Variants in CORO2A observed in about 807,000 individuals in gnomAD.
The protein encoded by CORO2A is coronin-2A.
CORO2A carries 47 observed loss-of-function variants against 62.4 expected under a neutral mutation model. The observed-to-expected ratio is 0.75, with a 90% CI of 0.60 to 0.96. The LOEUF (loss-of-function observed/expected upper bound fraction) is 0.96, where lower values mean the gene tolerates loss of function less well. Ranked by LOEUF, CORO2A falls within the 40% of genes least tolerant of loss-of-function variation. The probability of loss-of-function intolerance (pLI) is 0.00; values close to 1 mark genes in which losing one functional copy is unlikely to be tolerated. For missense variants in CORO2A, 610 were observed against 684.1 expected, an observed-to-expected ratio of 0.89 and a Z score of 1.21; for synonymous variants, 273 against 268.9, an observed-to-expected ratio of 1.02 and a Z score of -0.15.
intron 1 of CORO2A, among the ~76,000 whole-genome samples, chr9:98,160,389 T>C (rs1353718895): frequency 6.6e-6 from 1 of 152,066 alleles, no homozygotes; most frequent in Non-Finnish European, 1.5e-5. Context: ...ACAGAGGAGG[T>C]AGACCTCAGA....
intron 1 of CORO2A, among the ~76,000 whole-genome samples, chr9:98,159,145 A>G (rs1588005493): frequency 6.6e-6 from 1 of 150,558 alleles, no homozygotes; most frequent in Non-Finnish European, 1.5e-5. Context: ...CTGCAGCCTC[A>G]AACTCCTGAC....
intron 1 of CORO2A, among the ~76,000 whole-genome samples, chr9:98,172,191 C>A (rs1444009731): frequency 6.6e-6 from 1 of 151,030 alleles, no homozygotes; most frequent in African/African-American, 2.5e-5. Context: ...GGAAGCCCCA[C>A]ACCCCACTTC....
intron 1 of CORO2A, among the ~76,000 whole-genome samples, chr9:98,177,411 G>T (rs550883789): frequency 2.6e-5 from 4 of 151,314 alleles, no homozygotes; most frequent in Non-Finnish European, 5.9e-5. Flanking sequence ...GAGGTAGCAG[G>T]AGCAAGGAAA....
intron 7 of CORO2A, among the ~76,000 whole-genome samples, chr9:98,130,554 C>T (rs1827390401): frequency 2.0e-5 from 3 of 152,344 alleles, no homozygotes; most frequent in Non-Finnish European, 4.4e-5. Context: ...AAGGTCTTAC[C>T]ATGGGGAACA....
chr9:98,187,282 CAAAAAAAAAAAAAA>C (rs60290184), intron 1 of CORO2A, among the ~76,000 whole-genome samples: 13,092 of 67,180 alleles, frequency 0.19, 1,575 homozygotes, highest in African/African-American at 0.41. Context: ...GACTCCATCT[CAAAAAAAAAAAAAA>C]AAAAAAAAAA....
chr9:98,142,245 G>C (rs546142041), intron 2 of CORO2A, among the ~76,000 whole-genome samples: 6 of 152,290 alleles, frequency 3.9e-5, no homozygotes, highest in African/African-American at 1.4e-4. Flanking sequence ...ACCCTCTCTC[G>C]GACCTCAGAC....
rs977875810 is a variant in CORO2A at position 98,121,224 on chromosome 9, T to C, written c.*3550A>G. On this transcript the variant is annotated 3_prime_UTR_variant, in exon 12 of 12. Coordinates refer to ENST00000375077, the MANE Select transcript of CORO2A (RefSeq NM_052820.4). ...AGTTTTGTTTCAGGAAGCACAATTA[T>C]TGTAGCGTTAAGGTGGATACCTGCC... 3 of 152,224 alleles carry C rather than the reference T, an allele frequency of 2.0e-5. No individual in the cohort carries two copies. The highest frequency in any genetic ancestry group is 1.3e-4 in the Admixed American group (2 of 15,282). 9.4% of individuals were successfully genotyped at this position (152,224 alleles called of 1,614,324 possible).
intron 2 of CORO2A, among the ~76,000 whole-genome samples, chr9:98,138,576 A>G (rs887185504): frequency 1.3e-5 from 2 of 152,226 alleles, no homozygotes; most frequent in Admixed American, 6.5e-5. Flanking sequence ...GGAATGAAGT[A>G]CTGGTCCCTG....
intron 1 of CORO2A, among the ~76,000 whole-genome samples, chr9:98,177,519 T>A (rs2118924588): frequency 7.4e-6 from 1 of 135,776 alleles, no homozygotes; most frequent in East Asian, 2.2e-4. Flanking sequence ...CAGGCTGGAG[T>A]GCAGTGGCAC....
chr9:98,160,725 C>A (rs544754716), intron 1 of CORO2A, among the ~76,000 whole-genome samples: 1 of 152,102 alleles, frequency 6.6e-6, no homozygotes, highest in South Asian at 2.1e-4. Flanking sequence ...CTGGGGGTGG[C>A]GGGAGTGCAC....
chr9:98,181,446 G>C (rs1828176574), intron 1 of CORO2A, among the ~76,000 whole-genome samples: 1 of 151,448 alleles, frequency 6.6e-6, no homozygotes, highest in South Asian at 2.1e-4. Flanking sequence ...AAAGTGCTAG[G>C]ATTATAGGCG....
chr9:98,162,633 G>A (rs915041737), intron 1 of CORO2A, among the ~76,000 whole-genome samples: 2 of 152,194 alleles, frequency 1.3e-5, no homozygotes, highest in African/African-American at 4.8e-5. Flanking sequence ...TTGTGCATGC[G>A]TGCTGGCCTG....
intron 1 of CORO2A, among the ~76,000 whole-genome samples, chr9:98,188,402 TG>T (rs112900304): frequency 2.0e-5 from 3 of 152,210 alleles, no homozygotes; most frequent in Non-Finnish European, 4.4e-5. Context: ...GTAAGCTCTT[TG>T]GGGGAAGATC....
At chr9:98,145,981 G>A (rs1028153204) in intron 2 of CORO2A, among the ~76,000 whole-genome samples, 9 of 152,304 alleles carry the variant, frequency 5.9e-5, no homozygotes, top group African/African-American at 2.2e-4. Context: ...AAAGTGCCAG[G>A]ATTACAGGTG....
rs1235419339 is a variant in CORO2A, at chr9:98,133,104, C to G, written c.582G>C (p.Leu194=). The change falls in exon 5 of 12, where the codon CTG becomes CTC. Residue 194 remains leucine (L), a synonymous_variant. Coordinates refer to ENST00000375077, the MANE Select transcript of CORO2A (RefSeq NM_052820.4). The part of the protein sequence containing the change: ...LSMSFNTNGS[L]LATTCKDRKI... The stretch of plus-strand genomic sequence containing the variant: ...TGCGGTCTTTGCAGGTGGTGGCCAA[C>G]AGGCTGCCGTTGGTGTTGAAGGACA... 6.2e-7 allele frequency: 1 copy of G among 1,614,122 alleles called. No homozygotes were observed. The highest frequency in any genetic ancestry group is 8.5e-7 in the Non-Finnish European group (1 of 1,180,048).
intron 2 of CORO2A, among the ~76,000 whole-genome samples, chr9:98,137,918 T>C (rs547532987): frequency 2.0e-5 from 3 of 152,274 alleles, no homozygotes; most frequent in African/African-American, 7.2e-5. Context: ...ATTTCACAGG[T>C]TGGTGTGAGG....
chr9:98,135,377 C>A (rs1030852642), intron 3 of CORO2A, among the ~76,000 whole-genome samples: 7 of 152,224 alleles, frequency 4.6e-5, no homozygotes, highest in Admixed American at 1.3e-4. Flanking sequence ...GTTTAGGCTG[C>A]ATCCTCAGGC....
At chr9:98,192,121 A>T (rs1477834534) in intron 1 of CORO2A, among the ~76,000 whole-genome samples, 1 of 152,194 alleles carries the variant, frequency 6.6e-6, no homozygotes, top group Non-Finnish European at 1.5e-5. Context: ...GCTGAGGCCC[A>T]GCAGGTAACG....
At chr9:98,132,084 T>G in intron 6 of CORO2A, 101 bp downstream of exon 6, 1 of 915,622 alleles carries the variant, frequency 1.1e-6, no homozygotes, top group South Asian at 1.4e-5. Context: ...CTACGCTAAA[T>G]GTGTGTGTCA....
Sources: gnomAD v4.1 joint callset for allele counts (sites outside exome capture counted in the v4.1 genomes callset) on GRCh38, gnomAD v4.1.1 for gene constraint, MANE v1.5 for transcripts, NCBI Gene and HGNC (gene_info 2026-07-23, HGNC 2026-07-21) for gene names.